Variants in SMG6 observed in about 807,000 individuals in gnomAD.
The protein encoded by SMG6 is SMG6 nonsense mediated mRNA decay factor, also known as telomerase-binding protein EST1A.
In SMG6, 66 loss-of-function variants were observed where a neutral mutation model predicts 142.2. The ratio of observed to expected loss-of-function variants is 0.46; its 90% CI spans 0.38 to 0.57. The LOEUF is 0.57. Among genes scored for constraint, SMG6 ranks in the 20% least tolerant of loss-of-function variants. The probability of loss-of-function intolerance (pLI) is 0.00; values close to 1 mark genes in which losing one functional copy is unlikely to be tolerated. For missense variants in SMG6, 1,793 were observed against 1,832.0 expected, an observed-to-expected ratio of 0.98 and a Z score of 0.39; for synonymous variants, 779 against 702.4, an observed-to-expected ratio of 1.11 and a Z score of -1.72.
At chr17:2,107,837 G>A (rs1398193694) in intron 13 of SMG6, among the ~76,000 whole-genome samples, 4 of 152,164 alleles carry the variant, frequency 2.6e-5, no homozygotes, top group Admixed American at 6.5e-5. Flanking sequence ...GAATGGTGCC[G>A]AAAGGAGGCC....
intron 13 of SMG6, among the ~76,000 whole-genome samples, chr17:2,168,226 C>A (rs1295472946): frequency 6.6e-6 from 1 of 152,098 alleles, no homozygotes; most frequent in Non-Finnish European, 1.5e-5. Flanking sequence ...CAGAGTCTCA[C>A]TCTGTCACCC....
chr17:2,256,922 G>A (rs1000952084), intron 8 of SMG6, among the ~76,000 whole-genome samples: 8 of 151,010 alleles, frequency 5.3e-5, no homozygotes, highest in Non-Finnish European at 1.0e-4. Context: ...ACTTCTTTTT[G>A]GAGAGTAATG....
intron 10 of SMG6, among the ~76,000 whole-genome samples, chr17:2,193,300 T>C (rs1054315485): frequency 4.6e-5 from 7 of 152,194 alleles, no homozygotes; most frequent in Non-Finnish European, 1.5e-5. Context: ...TCTGCCATGA[T>C]TGTAGCCTTC....
chr17:2,269,458 TAAA>T (rs10706406), intron 8 of SMG6, among the ~76,000 whole-genome samples: 2 of 146,152 alleles, frequency 1.4e-5, no homozygotes, highest in Non-Finnish European at 3.0e-5. Flanking sequence ...AACTATACAT[TAAA>T]AAAAAAAAAA....
intron 13 of SMG6, among the ~76,000 whole-genome samples, chr17:2,130,777 C>A (rs1006484445): frequency 6.6e-6 from 1 of 150,778 alleles, no homozygotes; most frequent in East Asian, 1.9e-4. Context: ...ATAGGCCAGG[C>A]GGGTGGATCA....
intron 13 of SMG6, among the ~76,000 whole-genome samples, chr17:2,134,955 T>C (rs1567625689): frequency 2.0e-5 from 3 of 152,106 alleles, no homozygotes; most frequent in African/African-American, 4.8e-5. Context: ...ACTCGGCTCA[T>C]TGCAACTTCT....
At chr17:2,200,771 G>T (rs544288419) in intron 10 of SMG6, among the ~76,000 whole-genome samples, 1 of 152,062 alleles carries the variant, frequency 6.6e-6, no homozygotes, top group African/African-American at 2.4e-5. Context: ...GTGCAGTGGC[G>T]CAATCATAGC....
At chr17:2,088,354 C>T (rs1426219922) in intron 13 of SMG6, 9 of 985,320 alleles carry the variant, frequency 9.1e-6, no homozygotes, top group African/African-American at 1.7e-5. Context: ...CTGAGGCCAC[C>T]TGCAGCACTT....
intron 10 of SMG6, among the ~76,000 whole-genome samples, chr17:2,204,189 A>G (rs1264551881): frequency 6.6e-6 from 1 of 152,192 alleles, no homozygotes; most frequent in African/African-American, 2.4e-5. Context: ...CAATTCCGAG[A>G]TAGGTGAGAC....
intron 18 of SMG6, 92 bp from the exon 19 acceptor site, chr17:2,061,714 G>A (rs1597310872): frequency 7.1e-7 from 1 of 1,410,224 alleles, no homozygotes; most frequent in Non-Finnish European, 9.7e-7. Flanking sequence ...GTCCTGGGGA[G>A]GGGGTGCCAC....
In SMG6 at chr17:2,300,192, C is replaced by G; in HGVS notation, c.561G>C (p.Ala187=). 1 of 1,613,986 alleles carries G rather than the reference C, an allele frequency of 6.2e-7. No individual in the cohort carries two copies. The highest frequency in any genetic ancestry group is 1.7e-5 in the Admixed American group (1 of 60,018). ...VEEDECRGNV[A]KEEVANKPDR... ...CTGGTTTATTCGCAACTTCCTCCTT[C>G]GCAACATTTCCCCTACACTCATCTT... Residue 187 remains alanine (A), a synonymous_variant, in exon 2 of 19, where the codon GCG becomes GCC. Transcript: ENST00000263073.
In SMG6 at chr17:2,087,551, C is replaced by T. The variant is rs530011076; in HGVS notation, c.3358-1650G>A. ...CTGAGAGGTTGATGTAGAAGGTTCT[C>T]GGCTACCCAGAAGGGCTTAGAAAAA... On this transcript the variant is annotated intron_variant, in intron 13 of 18. Transcript: ENST00000263073. The T allele has an allele frequency of 1.2e-5, 12 of 1,019,544 alleles. No individual in the cohort carries two copies. The South Asian group carries it at 3.0e-4, about 25-fold the overall frequency. 63.2% of individuals were successfully genotyped at this position (1,019,544 alleles called of 1,614,324 possible). A position where few individuals can be genotyped will look rare whatever the true frequency, so the allele number is the denominator to read the frequency against.
chr17:2,173,593 C>T (rs1485778553), intron 12 of SMG6, among the ~76,000 whole-genome samples: 1 of 152,132 alleles, frequency 6.6e-6, no homozygotes, highest in African/African-American at 2.4e-5. Context: ...CCAGTTTTAG[C>T]ACTGAAAGTC....
intron 13 of SMG6, among the ~76,000 whole-genome samples, chr17:2,108,454 T>C (rs1292536215): frequency 6.6e-6 from 1 of 152,102 alleles, no homozygotes; most frequent in Non-Finnish European, 1.5e-5. Flanking sequence ...CTGTCTCTAC[T>C]AAAAATACAA....
intron 10 of SMG6, among the ~76,000 whole-genome samples, chr17:2,203,520 A>G (rs1401251522): frequency 6.6e-6 from 1 of 152,248 alleles, no homozygotes; most frequent in Non-Finnish European, 1.5e-5. Context: ...AAGGAAGAGT[A>G]GAAAAGCATG....
chr17:2,102,564 G>C (rs1323044322), intron 13 of SMG6, among the ~76,000 whole-genome samples: 3 of 142,258 alleles, frequency 2.1e-5, no homozygotes, highest in African/African-American at 7.9e-5. Flanking sequence ...TAGAGATGAG[G>C]TCTCACTATG....
intron 8 of SMG6, among the ~76,000 whole-genome samples, chr17:2,251,456 G>A (rs1597711926): frequency 6.6e-6 from 1 of 152,244 alleles, no homozygotes; most frequent in East Asian, 1.9e-4. Context: ...TTCAGGGCTG[G>A]ATGACAGCTC....
Position 2,298,888 on chromosome 17 carries a change from G to A in SMG6, c.1847+18C>T, listed in dbSNP as rs778733830. 1.2e-5 allele frequency: 20 copies of A among 1,602,858 alleles called. No individual in the cohort carries two copies. Among genetic ancestry groups the A allele is most frequent in the Non-Finnish European group, 1.5e-5 (18 of 1,173,754 alleles). On this transcript the variant is annotated intron_variant, in intron 2 of 18. Coordinates refer to ENST00000263073, the MANE Select transcript of SMG6 (RefSeq NM_017575.5). The stretch of plus-strand genomic sequence containing the variant: ...GCTGATCCCCATTTCCCTCCAGCCA[G>A]AATAGACCACATCATACCTGAGTTG...
At chr17:2,179,613 A>T (rs1218843526) in intron 12 of SMG6, among the ~76,000 whole-genome samples, 1 of 151,986 alleles carries the variant, frequency 6.6e-6, no homozygotes, top group Non-Finnish European at 1.5e-5. Flanking sequence ...ACTCCAATCC[A>T]ACAGTGTGAT....
Sources: gnomAD v4.1 joint callset for allele counts (sites outside exome capture counted in the v4.1 genomes callset) on GRCh38, gnomAD v4.1.1 for gene constraint, MANE v1.5 for transcripts, NCBI Gene and HGNC (gene_info 2026-07-23, HGNC 2026-07-21) for gene names.